MACROD2: variants seen among roughly 807,000 people sequenced by gnomAD.
MACROD2 encodes mono-ADP ribosylhydrolase 2.
MACROD2 carries 36 observed loss-of-function variants against 70.4 expected under a neutral mutation model. The ratio of observed to expected loss-of-function variants is 0.51; its 90% CI spans 0.39 to 0.68. MACROD2 has a LOEUF of 0.68. MACROD2 is among the 30% of genes least tolerant of loss of function. The pLI is 0.00. For synonymous variants in MACROD2, 172 were observed against 178.8 expected, an observed-to-expected ratio of 0.96 and a Z score of 0.30; for missense variants, 496 against 538.4, an observed-to-expected ratio of 0.92 and a Z score of 0.78.
At chr20:15,492,394 T>C (rs2047243205) in intron 7 of MACROD2, among the ~76,000 whole-genome samples, 1 of 152,160 alleles carries the variant, frequency 6.6e-6, no homozygotes, top group Admixed American at 6.5e-5. Context: ...TGGTAGGGTG[T>C]GCGTGTGTGT....
intron 3 of MACROD2, among the ~76,000 whole-genome samples, chr20:14,347,886 G>A (rs896218844): frequency 6.6e-6 from 1 of 152,182 alleles, no homozygotes; most frequent in East Asian, 1.9e-4. Context: ...GGTTTCTGGT[G>A]TGTATCCAGG....
intron 4 of MACROD2, among the ~76,000 whole-genome samples, chr20:14,629,230 G>A (rs961988119): frequency 1.3e-5 from 2 of 152,056 alleles, no homozygotes; most frequent in Non-Finnish European, 2.9e-5. Flanking sequence ...ACATGTATTA[G>A]GATGTAATTG....
chr20:15,649,066 T>TCCTCCCCTCC (rs2049597223), intron 8 of MACROD2, among the ~76,000 whole-genome samples: 13 of 128,746 alleles, frequency 1.0e-4, no homozygotes, highest in Non-Finnish European at 2.1e-4. Flanking sequence ...TTTTCTTTTC[T>TCCTCCCCTCC]CCTCCCCTCC....
At chr20:15,388,293 A>G (rs571098067) in intron 6 of MACROD2, among the ~76,000 whole-genome samples, 29 of 152,160 alleles carry the variant, frequency 1.9e-4, no homozygotes, top group Non-Finnish European at 3.5e-4. Flanking sequence ...AGAGAAAAAC[A>G]CCAAGATTCA....
At chr20:14,076,213 T>C (rs577841395) in intron 2 of MACROD2, among the ~76,000 whole-genome samples, 1 of 152,342 alleles carries the variant, frequency 6.6e-6, no homozygotes, top group South Asian at 2.1e-4. Context: ...GATATTTTTC[T>C]ACCTAAGGAT....
intron 5 of MACROD2, among the ~76,000 whole-genome samples, chr20:15,093,883 CT>C (rs1242569239): frequency 6.6e-6 from 1 of 152,058 alleles, no homozygotes. Flanking sequence ...AAGGAAAAAA[CT>C]TTTTTACAGA....
At chr20:15,599,302 G>C (rs2048787303) in intron 8 of MACROD2, among the ~76,000 whole-genome samples, 1 of 152,108 alleles carries the variant, frequency 6.6e-6, no homozygotes, top group East Asian at 1.9e-4. Flanking sequence ...TGAGGCAGGG[G>C]AATCGCTTGA....
At chr20:15,553,184 C>A (rs1403426678) in intron 8 of MACROD2, among the ~76,000 whole-genome samples, 1 of 152,088 alleles carries the variant, frequency 6.6e-6, no homozygotes, top group African/African-American at 2.4e-5. Context: ...TACTAGGTGC[C>A]AGGCTTTCTG....
intron 8 of MACROD2, among the ~76,000 whole-genome samples, chr20:15,527,774 A>G (rs543706155): frequency 1.5e-3 from 230 of 152,336 alleles, no homozygotes; most frequent in Non-Finnish European, 2.7e-3. Context: ...TTTGGTGCAC[A>G]TGAGGCCAGG....
intron 15 of MACROD2, among the ~76,000 whole-genome samples, chr20:16,029,240 G>T (rs941155418): frequency 3.3e-5 from 5 of 152,244 alleles, no homozygotes; most frequent in South Asian, 2.1e-4. Flanking sequence ...GCAGGTTGGG[G>T]CTACAACCTT....
intron 5 of MACROD2, among the ~76,000 whole-genome samples, chr20:14,931,417 A>T (rs1409952919): frequency 2.0e-5 from 3 of 152,126 alleles, no homozygotes; most frequent in Non-Finnish European, 4.4e-5. Flanking sequence ...TGCATTCCAA[A>T]TGATAGGCCA....
At chr20:14,633,484 T>C (rs747605939) in intron 4 of MACROD2, among the ~76,000 whole-genome samples, 8 of 152,156 alleles carry the variant, frequency 5.3e-5, no homozygotes, top group Non-Finnish European at 1.0e-4. Context: ...AAATCCCTAT[T>C]TCTCCAACTG....
chr20:15,867,138 G>A (rs1474734891), intron 9 of MACROD2, among the ~76,000 whole-genome samples: 2 of 152,124 alleles, frequency 1.3e-5, no homozygotes, highest in African/African-American at 2.4e-5. Flanking sequence ...CATTTGTGCT[G>A]TATCTTTCTC....
At chr20:15,125,186 T>C (rs535883987) in intron 5 of MACROD2, among the ~76,000 whole-genome samples, 6 of 152,222 alleles carry the variant, frequency 3.9e-5, no homozygotes, top group South Asian at 4.1e-4. Context: ...TAAGTTCTCA[T>C]CGACTGCATG....
chr20:15,700,551 G>T (rs1327175969), intron 8 of MACROD2, among the ~76,000 whole-genome samples: 3 of 152,162 alleles, frequency 2.0e-5, no homozygotes, highest in African/African-American at 7.2e-5. Context: ...GCCCAAACAC[G>T]TAAGATTATA....
At chr20:14,520,012 A>G (rs146493131) in intron 4 of MACROD2, among the ~76,000 whole-genome samples, 3 of 152,288 alleles carry the variant, frequency 2.0e-5, no homozygotes, top group East Asian at 1.9e-4. Flanking sequence ...GAGCTAAACA[A>G]TGAGAAAACA....
At chr20:16,033,171 T>C (rs1314315744) in intron 15 of MACROD2, among the ~76,000 whole-genome samples, 1 of 152,120 alleles carries the variant, frequency 6.6e-6, no homozygotes, top group Non-Finnish European at 1.5e-5. Context: ...CTATAGTAAA[T>C]TGAAAAGAAT....
intron 4 of MACROD2, among the ~76,000 whole-genome samples, chr20:14,528,670 G>T (rs2123199587): frequency 6.6e-6 from 1 of 151,882 alleles, no homozygotes; most frequent in Non-Finnish European, 1.5e-5. Context: ...GCGGGGGTTG[G>T]GGGGGCCCAA....
chr20:15,068,489 G>A (rs1221190478), intron 5 of MACROD2, among the ~76,000 whole-genome samples: 1 of 152,156 alleles, frequency 6.6e-6, no homozygotes, highest in Non-Finnish European at 1.5e-5. Context: ...GGTCTAGTGG[G>A]AGGTGTTTGG....
Sources: allele counts gnomAD v4.1 joint callset (sites outside exome capture counted in the v4.1 genomes callset), GRCh38; gene constraint gnomAD v4.1.1; transcripts MANE v1.5; gene names NCBI Gene and HGNC (gene_info 2026-07-23, HGNC 2026-07-21).